Variants in DLGAP2 observed in about 807,000 individuals in gnomAD.
DLGAP2 encodes disks large-associated protein 2.
In DLGAP2, 26 loss-of-function variants were observed where a neutral mutation model predicts 100.3. The observed-to-expected ratio is 0.26, with a 90% CI of 0.19 to 0.36. DLGAP2 has a LOEUF of 0.36. Among genes scored for constraint, DLGAP2 ranks in the 10% least tolerant of loss-of-function variants. The pLI, the probability that DLGAP2 is intolerant of heterozygous loss-of-function variation, is 1.00. For missense variants in DLGAP2, 1,858 were observed against 1,453.2 expected (o/e 1.28, Z -4.53); for synonymous variants, 886 against 630.1 (o/e 1.41, Z -6.08).
At chr8:1,086,723 A>G (rs1215534059) in intron 2 of DLGAP2, among the ~76,000 whole-genome samples, 1 of 152,238 alleles carries the variant, frequency 6.6e-6, no homozygotes, top group Non-Finnish European at 1.5e-5. Context: ...TGATAAATAT[A>G]TGTGCGCCCA....
At chr8:1,357,619 C>G (rs1406364819) in intron 3 of DLGAP2, among the ~76,000 whole-genome samples, 2 of 152,122 alleles carry the variant, frequency 1.3e-5, no homozygotes, top group Non-Finnish European at 2.9e-5. Context: ...TTTATAAACT[C>G]TTACACATTT....
intron 2 of DLGAP2, among the ~76,000 whole-genome samples, chr8:1,177,420 C>T (rs1471850183): frequency 6.6e-6 from 1 of 152,030 alleles, no homozygotes; most frequent in Non-Finnish European, 1.5e-5. Flanking sequence ...TGTCAGGAGG[C>T]CTCCTGACTT....
intron 2 of DLGAP2, among the ~76,000 whole-genome samples, chr8:1,209,862 C>A (rs542567234): frequency 6.6e-6 from 1 of 152,304 alleles, no homozygotes; most frequent in Non-Finnish European, 1.5e-5. Flanking sequence ...ACTCAGAACG[C>A]CCAGGCATGT....
At chr8:1,529,425 C>T (rs1211758761) in intron 4 of DLGAP2, among the ~76,000 whole-genome samples, 1 of 152,184 alleles carries the variant, frequency 6.6e-6, no homozygotes, top group East Asian at 1.9e-4. Context: ...TTTCATGCCA[C>T]AGATTATCTC....
chr8:1,189,436 G>T (rs1318741356), intron 2 of DLGAP2, among the ~76,000 whole-genome samples: 1 of 152,196 alleles, frequency 6.6e-6, no homozygotes, highest in South Asian at 2.1e-4. Flanking sequence ...ATTTGGAAGA[G>T]GAGTGGTCAC....
At chr8:738,059 G>T (rs1820365944) in intron 1 of DLGAP2, 4 of 284,604 alleles carry the variant, frequency 1.4e-5, no homozygotes, top group African/African-American at 2.2e-5. Context: ...ATCCCTGGCC[G>T]CGCTCGGGGG....
At chr8:1,577,207 A>G (rs542086211) in intron 6 of DLGAP2, among the ~76,000 whole-genome samples, 4 of 145,760 alleles carry the variant, frequency 2.7e-5, no homozygotes, top group African/African-American at 7.6e-5. Flanking sequence ...ATTTTTCTAC[A>G]TTGTACTTAA....
chr8:1,226,215 C>A (rs751499174), intron 2 of DLGAP2, among the ~76,000 whole-genome samples: 4 of 152,200 alleles, frequency 2.6e-5, no homozygotes, highest in Non-Finnish European at 5.9e-5. Flanking sequence ...AGCAAAGACA[C>A]AGAATCAACG....
chr8:842,903 G>T (rs1746286224), intron 1 of DLGAP2, among the ~76,000 whole-genome samples: 1 of 152,042 alleles, frequency 6.6e-6, no homozygotes, highest in African/African-American at 2.4e-5. Flanking sequence ...GATTTACATT[G>T]TTCTTTTCTG....
chr8:1,662,358 G>C (rs1169821603), intron 8 of DLGAP2, among the ~76,000 whole-genome samples: 2 of 152,086 alleles, frequency 1.3e-5, no homozygotes, highest in African/African-American at 4.8e-5. Flanking sequence ...GCCACCAAAG[G>C]CATTTTGATT....
At chr8:1,177,949 C>T (rs1797298119) in intron 2 of DLGAP2, among the ~76,000 whole-genome samples, 1 of 152,234 alleles carries the variant, frequency 6.6e-6, no homozygotes, top group African/African-American at 2.4e-5. Flanking sequence ...CCAGCTGAGG[C>T]CTCAGTGATC....
chr8:1,661,420 A>C (rs1451751649), intron 8 of DLGAP2, among the ~76,000 whole-genome samples: 1 of 152,244 alleles, frequency 6.6e-6, no homozygotes, highest in African/African-American at 2.4e-5. Flanking sequence ...CTTACTGCAC[A>C]GAAAGCCAAT....
At chr8:1,460,500 C>T (rs1452035577) in intron 3 of DLGAP2, among the ~76,000 whole-genome samples, 2 of 152,152 alleles carry the variant, frequency 1.3e-5, no homozygotes, top group East Asian at 3.9e-4. Flanking sequence ...CCTCTCCTTC[C>T]CCTCTGTCAC....
intron 2 of DLGAP2, among the ~76,000 whole-genome samples, chr8:989,098 T>C (rs912529547): frequency 4.3e-4 from 65 of 152,284 alleles, no homozygotes; most frequent in African/African-American, 1.5e-3. Flanking sequence ...TCAGCCTCCA[T>C]TGTGACGACC....
At position 1,615,971 on chromosome 8, in the gene DLGAP2, G is replaced by C. The variant is rs531510013; in HGVS notation, c.1443-10769G>C. Among the ~76,000 whole-genome samples, 124 of 152,280 alleles carry C rather than the reference G, an allele frequency of 8.1e-4. 2 individuals are homozygous for C. In the South Asian group the frequency reaches 9.6e-3, roughly 12 times the overall value. ...TAAAGCAGCCGTTGTAAGGTCTTATGAATGATATAAAAATGTCTGTTACAA... is the reference window on the plus strand; with the variant it reads ...TAAAGCAGCCGTTGTAAGGTCTTATCAATGATATAAAAATGTCTGTTACAA... On this transcript the variant is annotated intron_variant, in intron 6 of 14. Coordinates refer to ENST00000637795, the MANE Select transcript of DLGAP2 (RefSeq NM_001346810.2).
At chr8:1,516,671 C>T (rs112456468) in intron 4 of DLGAP2, among the ~76,000 whole-genome samples, 4,450 of 139,890 alleles carry the variant, frequency 0.032, 176 homozygotes, top group East Asian at 0.13. Flanking sequence ...GAGTGGGTGA[C>T]TGAGTGAAAG....
At chr8:1,058,892 C>G (rs1802964807) in intron 2 of DLGAP2, among the ~76,000 whole-genome samples, 1 of 152,226 alleles carries the variant, frequency 6.6e-6, no homozygotes, top group Non-Finnish European at 1.5e-5. Flanking sequence ...CCACACCCAC[C>G]TGTGCCTACC....
intron 3 of DLGAP2, among the ~76,000 whole-genome samples, chr8:1,311,835 T>A (rs908876994): frequency 1.3e-5 from 2 of 152,030 alleles, no homozygotes; most frequent in Admixed American, 1.3e-4. Flanking sequence ...AGGGAATAAA[T>A]CTCCAAGAAG....
At chr8:1,009,074 G>A (rs979357797) in intron 2 of DLGAP2, among the ~76,000 whole-genome samples, 21 of 152,330 alleles carry the variant, frequency 1.4e-4, no homozygotes, top group African/African-American at 4.8e-4. Flanking sequence ...TGGGGGGCAG[G>A]CAGGAGTGTA....
Sources: allele counts gnomAD v4.1 joint callset (sites outside exome capture counted in the v4.1 genomes callset), GRCh38; gene constraint gnomAD v4.1.1; transcripts MANE v1.5; gene names NCBI Gene and HGNC (gene_info 2026-07-23, HGNC 2026-07-21).